The following PIGK variants were observed in gnomAD, a reference collection of about 807,000 sequenced individuals.
The protein encoded by PIGK is GPI-anchor transamidase.
Under a neutral mutation model 50.6 loss-of-function variants are expected in PIGK, and 42 were observed. The ratio of observed to expected loss-of-function variants is 0.83; its 90% CI spans 0.65 to 1.07. PIGK has a LOEUF of 1.07. Ranked by LOEUF, PIGK falls within the 50% of genes least tolerant of loss-of-function variation. The probability of loss-of-function intolerance (pLI) is 0.00; values close to 1 mark genes in which losing one functional copy is unlikely to be tolerated. For missense variants in PIGK, 448 were observed against 488.7 expected (o/e 0.92, Z 0.78); for synonymous variants, 151 against 156.0 (o/e 0.97, Z 0.24).
At position 77,092,510 on chromosome 1, in the gene PIGK, T is replaced by C. The variant is rs762688548; in HGVS notation, c.1072-20A>G. 1.6e-6 allele frequency: 2 copies of C among 1,236,546 alleles called. No homozygotes were observed. The highest frequency in any genetic ancestry group is 2.0e-5 in the Admixed American group (1 of 51,036). 76.6% of individuals were successfully genotyped at this position (1,236,546 alleles called of 1,614,324 possible). ...CGGTTTCTGCAAAACAAGAATAACATGATAAATTTTATAACAGGTAAATAA... is the reference window on the plus strand; with the variant it reads ...CGGTTTCTGCAAAACAAGAATAACACGATAAATTTTATAACAGGTAAATAA... On this transcript the variant is annotated intron_variant, in intron 10 of 10. Coordinates refer to ENST00000370812, the MANE Select transcript of PIGK (RefSeq NM_005482.3).
rs150882002 is a variant in PIGK, at chr1:77,181,516, G to A, written c.240-12121C>T. ...AATGTTATATATAATAATATATAAT[G>A]TTTTCCACAGCCATGCCTAATCACA... On this transcript the variant is annotated intron_variant, in intron 3 of 10. Transcript: ENST00000370812. Among the ~76,000 whole-genome samples the A allele has an allele frequency of 4.6e-5, 7 of 152,206 alleles. 1 individual carries two copies. The highest frequency in any genetic ancestry group is 7.4e-5 in the Non-Finnish European group (5 of 68,020).
At chr1:77,211,597 C>T (rs1040965062) in intron 1 of PIGK, among the ~76,000 whole-genome samples, 1 of 151,994 alleles carries the variant, frequency 6.6e-6, no homozygotes, top group Non-Finnish European at 1.5e-5. Flanking sequence ...AATCTCCCTA[C>T]ATCCTCAACA....
chr1:77,095,979 A>G (rs576438861), intron 10 of PIGK, among the ~76,000 whole-genome samples: 7 of 152,316 alleles, frequency 4.6e-5, no homozygotes, highest in Admixed American at 4.6e-4. Flanking sequence ...CCCAAACATG[A>G]GAAATAAATT....
chr1:77,141,083 T>C (rs1376708770), intron 9 of PIGK, among the ~76,000 whole-genome samples: 2 of 152,168 alleles, frequency 1.3e-5, no homozygotes, highest in Non-Finnish European at 2.9e-5. Context: ...ACATCTTTGC[T>C]ATAAAGAAAT....
intron 3 of PIGK, among the ~76,000 whole-genome samples, chr1:77,198,449 A>T (rs1311577673): frequency 6.6e-6 from 1 of 152,012 alleles, no homozygotes; most frequent in Non-Finnish European, 1.5e-5. Context: ...AGATTAAAGA[A>T]TGTTTTAAAG....
intron 4 of PIGK, among the ~76,000 whole-genome samples, chr1:77,167,255 G>A (rs573144958): frequency 1.7e-3 from 261 of 152,270 alleles, no homozygotes; most frequent in African/African-American, 6.0e-3. Context: ...GAAGGCTGAG[G>A]CAGAAGGCTC....
rs958542665 is a variant in PIGK, at chr1:77,120,517, C to A, written c.1071+1758G>T. Among the ~76,000 whole-genome samples, 3 of 152,220 alleles carry A rather than the reference C, an allele frequency of 2.0e-5. No individual in the cohort carries two copies. In the East Asian group the frequency reaches 5.8e-4, roughly 29 times the overall value. On this transcript the variant is annotated intron_variant, in intron 10 of 10. Coordinates refer to ENST00000370812, the MANE Select transcript of PIGK (RefSeq NM_005482.3). The stretch of plus-strand genomic sequence containing the variant: ...TTATAGGCATGGGATACCACGTGCC[C>A]GGCCAAAATTTGCTTTTAAATAACG...
chr1:77,179,684 G>T (rs762778241), intron 3 of PIGK, among the ~76,000 whole-genome samples: 19 of 152,212 alleles, frequency 1.2e-4, no homozygotes, highest in South Asian at 6.2e-4. Context: ...CCTGATTCAT[G>T]AATCGCTCAT....
intron 3 of PIGK, among the ~76,000 whole-genome samples, chr1:77,193,214 T>C (rs1204757751): frequency 6.6e-6 from 1 of 151,358 alleles, no homozygotes; most frequent in African/African-American, 2.4e-5. Flanking sequence ...ACAGTTTCCA[T>C]CAGACTGTTA....
intron 9 of PIGK, among the ~76,000 whole-genome samples, chr1:77,145,004 T>A (rs6668949): frequency 0.65 from 98,691 of 151,706 alleles, 32,925 homozygotes; most frequent in African/African-American, 0.81. Flanking sequence ...TAGAAAAGTA[T>A]AGGAGAAATC....
intron 10 of PIGK, among the ~76,000 whole-genome samples, chr1:77,096,084 TAAAG>T (rs59325993): frequency 0.18 from 26,627 of 151,884 alleles, 2,512 homozygotes; most frequent in East Asian, 0.35. Context: ...TGGATTTGAA[TAAAG>T]ATTCACAACG....
chr1:77,152,887 G>C (rs1204453849), intron 9 of PIGK, among the ~76,000 whole-genome samples: 1 of 152,012 alleles, frequency 6.6e-6, no homozygotes, highest in Non-Finnish European at 1.5e-5. Context: ...AGGATGTGGA[G>C]AAAAGGAACA....
chr1:77,165,948 C>T (rs1038080818), intron 5 of PIGK, among the ~76,000 whole-genome samples: 22 of 152,192 alleles, frequency 1.4e-4, no homozygotes, highest in African/African-American at 5.3e-4. Flanking sequence ...AAGGGAGTGA[C>T]TCCTGAGCTA....
intron 10 of PIGK, among the ~76,000 whole-genome samples, chr1:77,116,805 G>A (rs528667570): frequency 6.6e-6 from 1 of 151,984 alleles, no homozygotes; most frequent in Admixed American, 6.5e-5. Flanking sequence ...ATTAACAGTC[G>A]AGTCATCATA....
At chr1:77,143,335 T>C (rs768668184) in intron 9 of PIGK, among the ~76,000 whole-genome samples, 1 of 152,162 alleles carries the variant, frequency 6.6e-6, no homozygotes, top group Non-Finnish European at 1.5e-5. Context: ...ATCTATTTCA[T>C]AGATAAACTT....
rs1656299042 is a variant in PIGK at position 77,206,860 on chromosome 1, G to C, written c.148-129C>G. The C allele has an allele frequency of 1.6e-5, 9 of 554,556 alleles. No homozygotes were observed. In the South Asian group the frequency reaches 1.9e-4, roughly 12 times the overall value. 34.4% of individuals were successfully genotyped at this position (554,556 alleles called of 1,614,324 possible). A position where few individuals can be genotyped will look rare whatever the true frequency, so the allele number is the denominator to read the frequency against. On this transcript the variant is annotated intron_variant, in intron 2 of 10. Transcript: ENST00000370812. ...ATGCCATAATTCAGGCTTTAAAACA[G>C]CAAACACAAAAAATTGTCAGTAAAG...
intron 10 of PIGK, among the ~76,000 whole-genome samples, chr1:77,116,432 A>G (rs879839993): frequency 8.6e-5 from 13 of 151,716 alleles, no homozygotes; most frequent in African/African-American, 2.9e-4. Context: ...TGATTCGCCC[A>G]CCTCAGCCTC....
intron 9 of PIGK, among the ~76,000 whole-genome samples, chr1:77,142,859 A>G (rs58293665): frequency 0.15 from 23,567 of 152,076 alleles, 2,879 homozygotes; most frequent in African/African-American, 0.34. Flanking sequence ...CATATTGGGA[A>G]CCCAAAAAAA....
intron 2 of PIGK, among the ~76,000 whole-genome samples, chr1:77,210,016 A>C (rs1464216082): frequency 2.0e-5 from 3 of 152,190 alleles, no homozygotes; most frequent in African/African-American, 4.8e-5. Flanking sequence ...TTTCTGTATA[A>C]CTTGAACTTC....
Sources: gnomAD v4.1 joint callset for allele counts (sites outside exome capture counted in the v4.1 genomes callset) on GRCh38, gnomAD v4.1.1 for gene constraint, MANE v1.5 for transcripts, NCBI Gene and HGNC (gene_info 2026-07-23, HGNC 2026-07-21) for gene names.